The following ARHGEF3 variants were observed in gnomAD, a reference collection of about 807,000 sequenced individuals.
ARHGEF3 encodes 59.8 kDA protein.
A neutral mutation model predicts 63.2 loss-of-function variants in ARHGEF3; 28 were observed. The ratio of observed to expected loss-of-function variants is 0.44; its 90% CI spans 0.33 to 0.61. ARHGEF3 has a LOEUF of 0.61. Among genes scored for constraint, ARHGEF3 ranks in the 20% least tolerant of loss-of-function variants. The pLI is 0.03. For synonymous variants in ARHGEF3, 266 were observed against 254.2 expected (o/e 1.05, Z -0.44); for missense variants, 533 against 659.3 (o/e 0.81, Z 2.10).
intron 3 of ARHGEF3, among the ~76,000 whole-genome samples, chr3:56,913,838 G>C (rs997244554): frequency 6.6e-6 from 1 of 152,198 alleles, no homozygotes; most frequent in Admixed American, 6.5e-5. Context: ...ACTTGCACAT[G>C]CATGTTTATA....
At chr3:57,013,900 G>A (rs1270007267) in intron 2 of ARHGEF3, among the ~76,000 whole-genome samples, 2 of 152,224 alleles carry the variant, frequency 1.3e-5, no homozygotes, top group African/African-American at 4.8e-5. Flanking sequence ...GGGAATAAAA[G>A]CAGGCTGCCG....
chr3:57,064,301 ATTCT>A (rs1560172481), intron 1 of ARHGEF3, among the ~76,000 whole-genome samples: 2 of 151,818 alleles, frequency 1.3e-5, no homozygotes, highest in Admixed American at 6.6e-5. Context: ...CAAGAAGGAA[ATTCT>A]TTCTTTTTTT....
intron 3 of ARHGEF3, chr3:56,882,422 A>G (rs867356622): frequency 7.3e-6 from 10 of 1,363,232 alleles, no homozygotes; most frequent in Middle Eastern, 1.8e-4. Flanking sequence ...AAGGCAAGAA[A>G]AAAAGCAATC....
intron 7 of ARHGEF3, among the ~76,000 whole-genome samples, chr3:56,740,231 A>G (rs2033926503): frequency 1.3e-5 from 2 of 151,214 alleles, no homozygotes; most frequent in African/African-American, 4.9e-5. Flanking sequence ...TCTTTTCTCT[A>G]TTTCTCAAAT....
intron 7 of ARHGEF3, among the ~76,000 whole-genome samples, chr3:56,741,264 C>A (rs2034005348): frequency 1.4e-5 from 2 of 147,386 alleles, no homozygotes; most frequent in South Asian, 2.1e-4. Flanking sequence ...CGGCTCACTG[C>A]AACCTCCGCC....
intron 1 of ARHGEF3, among the ~76,000 whole-genome samples, chr3:57,069,376 A>ACACACAC (rs1705749598): frequency 6.8e-6 from 1 of 146,362 alleles, no homozygotes; most frequent in African/African-American, 2.5e-5. Flanking sequence ...CTGTCTCTCA[A>ACACACAC]ACACACACAC....
At chr3:56,757,726 T>C (rs1222027845) in intron 2 of ARHGEF3, among the ~76,000 whole-genome samples, 1 of 146,962 alleles carries the variant, frequency 6.8e-6, no homozygotes, top group Non-Finnish European at 1.5e-5. Context: ...ATTTTTAGCC[T>C]TTTTTTTTTG....
chr3:56,753,345 G>A, intron 4 of ARHGEF3, 159 bp downstream of exon 4: 1 of 639,596 alleles, frequency 1.6e-6, no homozygotes, highest in Non-Finnish European at 2.8e-6. Flanking sequence ...GAGCTATTCT[G>A]CCCTCTTGTT....
At chr3:56,760,689 C>T (rs1455448824) in intron 2 of ARHGEF3, among the ~76,000 whole-genome samples, 2 of 151,750 alleles carry the variant, frequency 1.3e-5, no homozygotes, top group Non-Finnish European at 1.5e-5. Flanking sequence ...TCCAACAGAG[C>T]CTGAGCTCTT....
At chr3:56,985,920 G>A (rs1005832165) in intron 2 of ARHGEF3, among the ~76,000 whole-genome samples, 2 of 152,224 alleles carry the variant, frequency 1.3e-5, no homozygotes, top group Non-Finnish European at 2.9e-5. Flanking sequence ...GGACACTCAG[G>A]GAGGTCCCTC....
rs1375192393 is a variant in ARHGEF3 at position 56,748,545 on chromosome 3, ATC to A, written c.612+2509_612+2510del. ...TTTATCCCCCTAATATTGTGAAAAA[ATC>A]TATTTTTTTTTTTTTTTTTGCTTCC... On this transcript the variant is annotated intron_variant, in intron 6 of 9. Transcript: ENST00000296315. Among the ~76,000 whole-genome samples, 117 of 120,028 alleles carry A rather than the reference ATC, an allele frequency of 9.7e-4. 1 individual carries two copies. Among genetic ancestry groups the A allele is most frequent in the African/African-American group, 4.4e-3 (113 of 25,540 alleles). 78.7% of individuals were successfully genotyped at this position (120,028 alleles called of 152,430 possible).
chr3:56,847,302 C>T (rs976995434), intron 4 of ARHGEF3, among the ~76,000 whole-genome samples: 1 of 152,176 alleles, frequency 6.6e-6, no homozygotes, highest in Non-Finnish European at 1.5e-5. Context: ...CAAATTGAGG[C>T]ATAATTCTAA....
At chr3:56,732,527 C>A in intron 8 of ARHGEF3, 103 bp from the exon 9 acceptor site, 3 of 1,348,276 alleles carry the variant, frequency 2.2e-6, no homozygotes, top group Non-Finnish European at 3.1e-6. Context: ...CAGGTTCACA[C>A]TGGATTATGA....
chr3:56,895,753 G>A (rs970545661), intron 3 of ARHGEF3, among the ~76,000 whole-genome samples: 6 of 152,032 alleles, frequency 3.9e-5, no homozygotes, highest in African/African-American at 7.2e-5. Context: ...ATGAGCCACC[G>A]CACCCGGCCA....
At chr3:56,849,118 T>C (rs1178947537) in intron 4 of ARHGEF3, among the ~76,000 whole-genome samples, 1 of 152,194 alleles carries the variant, frequency 6.6e-6, no homozygotes, top group African/African-American at 2.4e-5. Context: ...GAATCAAGCC[T>C]CACTCAGCTC....
At chr3:56,865,647 G>A (rs2040223897) in intron 4 of ARHGEF3, among the ~76,000 whole-genome samples, 1 of 152,180 alleles carries the variant, frequency 6.6e-6, no homozygotes, top group Non-Finnish European at 1.5e-5. Flanking sequence ...GGTGTGATCT[G>A]TGAGCTTGGA....
chr3:56,729,748 C>A (rs2032989413), intron 9 of ARHGEF3, 126 bp from the exon 10 acceptor site: 1 of 779,328 alleles, frequency 1.3e-6, no homozygotes, highest in Admixed American at 2.8e-5. Flanking sequence ...AAAACGTTTC[C>A]CACTGATCTG....
At chr3:56,941,488 A>G (rs2108423669) in intron 3 of ARHGEF3, among the ~76,000 whole-genome samples, 1 of 152,344 alleles carries the variant, frequency 6.6e-6, no homozygotes, top group Non-Finnish European at 1.5e-5. Flanking sequence ...GATTACAGGC[A>G]TGAGCCATGA....
intron 2 of ARHGEF3, among the ~76,000 whole-genome samples, chr3:56,989,904 G>T (rs183043333): frequency 6.6e-6 from 1 of 152,148 alleles, no homozygotes; most frequent in Non-Finnish European, 1.5e-5. Context: ...AATGGGAGCC[G>T]CTATTTACCA....
Sources: gnomAD v4.1 joint callset for allele counts (sites outside exome capture counted in the v4.1 genomes callset) on GRCh38, gnomAD v4.1.1 for gene constraint, MANE v1.5 for transcripts, NCBI Gene and HGNC (gene_info 2026-07-23, HGNC 2026-07-21) for gene names.